The following FAM186A variants were observed in gnomAD, a reference collection of about 807,000 sequenced individuals.
The protein encoded by FAM186A is protein FAM186A.
FAM186A carries 163 observed loss-of-function variants against 216.8 expected under a neutral mutation model. The ratio of observed to expected loss-of-function variants is 0.75; its 90% confidence interval spans 0.66 to 0.86. The LOEUF (loss-of-function observed/expected upper bound fraction) is 0.86, where lower values mean the gene tolerates loss of function less well. FAM186A is among the 40% of genes least tolerant of loss of function. The pLI, the probability that FAM186A is intolerant of heterozygous loss-of-function variation, is 0.00. For synonymous variants in FAM186A, 805 were observed against 1,025.3 expected, an observed-to-expected ratio of 0.79 and a Z score of 4.10; for missense variants, 2,184 against 2,746.2, an observed-to-expected ratio of 0.80 and a Z score of 4.58.
chr12:50,370,555 T>C (rs1474277993), intron 1 of FAM186A, among the ~76,000 whole-genome samples: 1 of 152,044 alleles, frequency 6.6e-6, no homozygotes, highest in East Asian at 1.9e-4. Flanking sequence ...CTGGTAGGAA[T>C]GTAATATTGT....
chr12:50,353,594 C>T lies in FAM186A; in HGVS notation c.3238G>A (p.Ala1080Thr), dbSNP rs544541730. The change falls in exon 4 of 8, where the codon GCC becomes ACC. Residue 1080 changes from alanine to threonine, a missense_variant. Around this residue, in one of 7 missense-constraint regions of FAM186A, gnomAD observed 1,132 missense variants for 1,263.4 expected, o/e 0.90. Transcript: ENST00000327337. Reference protein sequence around the residue: ...TKCIHLTPQQAQEVGITLTPQ... With the variant: ...TKCIHLTPQQTQEVGITLTPQ... ...GTGAGTGTGATCCCCACTTCCTGGG[C>T]CTGCTGAGGTGTGAGATGAATGCAT... 3.9e-6 allele frequency: 6 copies of T among 1,526,176 alleles called. No individual in the cohort carries two copies. In the East Asian group the frequency reaches 1.2e-4, roughly 31 times the overall value. The allele number at this position is 1,526,176 out of a possible 1,614,324, so 94.5% of individuals were successfully genotyped here.
intron 3 of FAM186A, among the ~76,000 whole-genome samples, chr12:50,359,057 C>T (rs1943006280): frequency 6.6e-6 from 1 of 151,726 alleles, no homozygotes; most frequent in South Asian, 2.1e-4. Flanking sequence ...TAGGAAAATG[C>T]AAACTAAAAC....
intron 1 of FAM186A, among the ~76,000 whole-genome samples, chr12:50,388,426 T>C (rs1943325822): frequency 6.6e-6 from 1 of 152,008 alleles, no homozygotes. Context: ...GAGACTAGCC[T>C]GGGCAACACA....
Position 50,360,711 on chromosome 12 carries a change from T to A in FAM186A, c.583+45A>T, listed in dbSNP as rs775647640. The stretch of plus-strand genomic sequence containing the variant: ...AAAAAGTTGTTTCTCTAAGAAAAAG[T>A]CAAACTCCATCTACTCCAACTCCAA... On this transcript the variant is annotated intron_variant, in intron 3 of 7. Transcript: ENST00000327337. The A allele has an allele frequency of 5.4e-5, 78 of 1,444,248 alleles. No homozygotes were observed. In the African/African-American group the frequency reaches 1.1e-3, roughly 20 times the overall value. 89.5% of individuals were successfully genotyped at this position (1,444,248 alleles called of 1,614,324 possible).
At chr12:50,347,422 T>C (rs893581183) in intron 4 of FAM186A, among the ~76,000 whole-genome samples, 4 of 152,018 alleles carry the variant, frequency 2.6e-5, no homozygotes, top group Admixed American at 6.6e-5. Context: ...AAGTGACTTA[T>C]CAATAGGCAG....
intron 1 of FAM186A, among the ~76,000 whole-genome samples, chr12:50,379,457 A>G (rs191087510): frequency 1.7e-4 from 19 of 109,596 alleles, no homozygotes; most frequent in African/African-American, 6.2e-4. Flanking sequence ...AAAAGAAAGA[A>G]AAAAAGAGGG....
intron 4 of FAM186A, among the ~76,000 whole-genome samples, chr12:50,335,993 C>T (rs779866391): frequency 2.6e-5 from 4 of 151,688 alleles, no homozygotes; most frequent in Admixed American, 2.0e-4. Context: ...GGTGTGATGG[C>T]GGGCGCCTAT....
intron 1 of FAM186A, among the ~76,000 whole-genome samples, chr12:50,378,322 A>G (rs1247546791): frequency 1.3e-5 from 2 of 151,684 alleles, no homozygotes. Context: ...CGAGGTCAGA[A>G]GTTCAAGACC....
At chr12:50,367,168 G>GC (rs1943097602) in intron 1 of FAM186A, among the ~76,000 whole-genome samples, 2 of 152,242 alleles carry the variant, frequency 1.3e-5, no homozygotes, top group Non-Finnish European at 2.9e-5. Context: ...AGGCAAGGAT[G>GC]CCCACATTCA....
intron 4 of FAM186A, among the ~76,000 whole-genome samples, chr12:50,341,882 A>C (rs938530943): frequency 6.6e-6 from 1 of 152,062 alleles, no homozygotes; most frequent in Non-Finnish European, 1.5e-5. Context: ...ACTCCCTTCA[A>C]AAAGTACTAA....
chr12:50,363,999 G>A (rs1032221333), intron 1 of FAM186A, among the ~76,000 whole-genome samples: 9 of 151,900 alleles, frequency 5.9e-5, no homozygotes, highest in Admixed American at 4.6e-4. Flanking sequence ...AATTTTTTAC[G>A]GATGTAATTA....
At chr12:50,395,107 G>T (rs1943401168) in intron 1 of FAM186A, among the ~76,000 whole-genome samples, 1 of 151,982 alleles carries the variant, frequency 6.6e-6, no homozygotes, top group Non-Finnish European at 1.5e-5. Flanking sequence ...TTGTTTGTTT[G>T]TTTTTGAGAC....
At chr12:50,378,031 G>C (rs1249600530) in intron 1 of FAM186A, among the ~76,000 whole-genome samples, 1 of 151,946 alleles carries the variant, frequency 6.6e-6, no homozygotes, top group Non-Finnish European at 1.5e-5. Context: ...TTTGAGACCA[G>C]GCTGACCAAC....
chr12:50,382,811 C>T (rs1336733587), intron 1 of FAM186A, among the ~76,000 whole-genome samples: 2 of 152,292 alleles, frequency 1.3e-5, no homozygotes, highest in East Asian at 3.9e-4. Context: ...CTTCAACTGT[C>T]TCCTTCTACC....
Position 50,354,183 on chromosome 12 carries a change from C to A in FAM186A, c.2649G>T (p.Trp883Cys), listed in dbSNP as rs1434403635. The change falls in exon 4 of 8, where the codon TGG (tryptophan) becomes TGT (cysteine). Residue 883 changes from tryptophan to cysteine, a missense_variant. Coordinates refer to ENST00000327337, the MANE Select transcript of FAM186A (RefSeq NM_001145475.3). Reference protein sequence around the residue: ...GKQEQQSQKQWQEEEMWKEEQ... With the variant: ...GKQEQQSQKQCQEEEMWKEEQ... Reference sequence around the variant, plus strand: ...CTTCCTTCCACATCTCTTCTTCCTGCCACTGTTTCTGGCTCTGTTGTTCTT... The same window carrying A: ...CTTCCTTCCACATCTCTTCTTCCTGACACTGTTTCTGGCTCTGTTGTTCTT... The A allele has an allele frequency of 6.4e-7, 1 of 1,551,622 alleles. No individual in the cohort carries two copies. The highest frequency in any genetic ancestry group is 1.4e-5 in the African/African-American group (1 of 73,050).
intron 1 of FAM186A, among the ~76,000 whole-genome samples, chr12:50,381,418 T>C (rs1341861980): frequency 6.6e-6 from 1 of 151,952 alleles, no homozygotes; most frequent in Non-Finnish European, 1.5e-5. Context: ...GGGTAGCTCC[T>C]CTCCACAGGT....
chr12:50,384,521 C>T (rs61926184), intron 1 of FAM186A, among the ~76,000 whole-genome samples: 17,428 of 152,150 alleles, frequency 0.11, 1,347 homozygotes, highest in Non-Finnish European at 0.18. Context: ...AAGCAGGAGG[C>T]ATCACTGTAC....
At chr12:50,344,815 A>C in intron 4 of FAM186A, among the ~76,000 whole-genome samples, 1 of 152,128 alleles carries the variant, frequency 6.6e-6, no homozygotes, top group Middle Eastern at 3.2e-3. Flanking sequence ...AAAAATAAAA[A>C]ATTAAAAAAT....
At chr12:50,380,012 G>A (rs2136104757) in intron 1 of FAM186A, among the ~76,000 whole-genome samples, 1 of 152,174 alleles carries the variant, frequency 6.6e-6, no homozygotes, top group South Asian at 2.1e-4. Flanking sequence ...AGAAAGGAGT[G>A]ACATTTTTCT....
Sources: allele counts gnomAD v4.1 joint callset (sites outside exome capture counted in the v4.1 genomes callset), GRCh38; gene constraint gnomAD v4.1.1; regional missense constraint gnomAD v4.1.1; transcripts MANE v1.5; gene names NCBI Gene and HGNC (gene_info 2026-07-23, HGNC 2026-07-21).